Variants in CADM3 observed in about 807,000 individuals in gnomAD.
CADM3 encodes the protein TSLC1-like 1.
CADM3 carries 11 observed loss-of-function variants against 44.9 expected under a neutral mutation model. The observed-to-expected ratio is 0.25, with a 90% CI of 0.15 to 0.41. The LOEUF (loss-of-function observed/expected upper bound fraction) is 0.41. CADM3 is among the 10% of genes least tolerant of loss of function. The probability of loss-of-function intolerance (pLI) is 1.00; values close to 1 mark genes in which losing one functional copy is unlikely to be tolerated. For missense variants in CADM3, 426 were observed against 512.0 expected, an observed-to-expected ratio of 0.83 and a Z score of 1.62; for synonymous variants, 207 against 205.2, an observed-to-expected ratio of 1.01 and a Z score of -0.08.
At chr1:159,184,489 T>C (rs985817981) in intron 1 of CADM3, among the ~76,000 whole-genome samples, 8 of 152,168 alleles carry the variant, frequency 5.3e-5, no homozygotes, top group Non-Finnish European at 1.0e-4. Context: ...GCTTTTTTTT[T>C]CTACAGTCAG....
At chr1:159,173,990 T>C (rs1648923987) in intron 1 of CADM3, among the ~76,000 whole-genome samples, 1 of 152,186 alleles carries the variant, frequency 6.6e-6, no homozygotes, top group Non-Finnish European at 1.5e-5. Flanking sequence ...TATTTAGAAA[T>C]ATGCTTCAGA....
chr1:159,173,593 G>T (rs1388185117), intron 1 of CADM3, among the ~76,000 whole-genome samples: 5 of 152,176 alleles, frequency 3.3e-5, no homozygotes, highest in African/African-American at 1.2e-4. Context: ...TCCTTGGGGA[G>T]AGCAGGCTAA....
chr1:159,201,167 G>T lies in CADM3; in HGVS notation c.*245G>T, dbSNP rs1650182705. 3 of 249,096 alleles carry T rather than the reference G, an allele frequency of 1.2e-5. No individual in the cohort carries two copies. Among genetic ancestry groups the T allele is most frequent in the Admixed American group, 5.5e-5 (1 of 18,202 alleles). 15.4% of individuals were successfully genotyped at this position (249,096 alleles called of 1,614,324 possible). Reference sequence around the variant, plus strand: ...CTTTCCGTGGCTTCTCTGCATTTGGGTTATTATTATTTTTGTAACAATCCC... The same window carrying T: ...CTTTCCGTGGCTTCTCTGCATTTGGTTTATTATTATTTTTGTAACAATCCC... On this transcript the variant is annotated 3_prime_UTR_variant, in exon 9 of 9. Transcript: ENST00000368125.
intron 4 of CADM3, 113 bp downstream of exon 4, chr1:159,193,673 CAT>C (rs767130273): frequency 1.3e-6 from 2 of 1,507,846 alleles, no homozygotes; most frequent in South Asian, 1.2e-5. Flanking sequence ...AGGGGAATGA[CAT>C]ATATTTTGTG....
chr1:159,181,621 G>A (rs1301169917), intron 1 of CADM3, among the ~76,000 whole-genome samples: 1 of 152,130 alleles, frequency 6.6e-6, no homozygotes, highest in Non-Finnish European at 1.5e-5. Flanking sequence ...AAGCAGCTAA[G>A]GCAAGGAAGA....
At chr1:159,184,857 CACATTAGTAATT>C (rs2102108288) in intron 1 of CADM3, among the ~76,000 whole-genome samples, 1 of 152,290 alleles carries the variant, frequency 6.6e-6, no homozygotes, top group South Asian at 2.1e-4. Flanking sequence ...TTTAAAGAAG[CACATTAGTAATT>C]CTCCAATTCC....
At chr1:159,174,797 C>T (rs1452025012) in intron 1 of CADM3, among the ~76,000 whole-genome samples, 2 of 152,170 alleles carry the variant, frequency 1.3e-5, no homozygotes, top group African/African-American at 4.8e-5. Context: ...GACATAAGTC[C>T]TGTGAACTTA....
intron 2 of CADM3, 152 bp from the exon 3 acceptor site, chr1:159,192,426 A>G: frequency 1.2e-6 from 1 of 850,882 alleles, no homozygotes. Context: ...AAGTGATTGA[A>G]TAACTTAAAG....
At chr1:159,194,434 T>C (rs1649806225) in intron 5 of CADM3, 1 of 160,286 alleles carries the variant, frequency 6.2e-6, no homozygotes, top group Admixed American at 6.1e-5. Context: ...CTGCAAACTG[T>C]TGTCGTAACT....
At chr1:159,199,630 C>T in intron 7 of CADM3, 121 bp from the exon 8 acceptor site, 1 of 1,273,618 alleles carries the variant, frequency 7.9e-7, no homozygotes, top group South Asian at 1.2e-5. Flanking sequence ...AATGACACTG[C>T]TCCATTTTCC....
chr1:159,193,321 G>T, intron 3 of CADM3, 102 bp from the exon 4 acceptor site: 1 of 1,238,022 alleles, frequency 8.1e-7, no homozygotes, highest in Non-Finnish European at 1.1e-6. Flanking sequence ...AGAAATTATA[G>T]TAGAACCCAG....
intron 1 of CADM3, among the ~76,000 whole-genome samples, chr1:159,173,177 T>G (rs1357768068): frequency 2.4e-5 from 2 of 84,636 alleles, no homozygotes; most frequent in African/African-American, 4.7e-5. Context: ...AAAGGGGAGG[T>G]GGCTCCTGGG....
At position 159,200,788 on chromosome 1, in the gene CADM3, C is replaced by T. The variant is rs904761504; in HGVS notation, c.1079-16C>T. The T allele has an allele frequency of 1.3e-6, 2 of 1,566,538 alleles. No homozygotes were observed. The highest frequency in any genetic ancestry group is 1.7e-6 in the Non-Finnish European group (2 of 1,155,546). ...GGAAGCTGCTCCTGAGAGGAGAAGCCTCTGTCTCTACACAGGAACCTACCT... is the reference window on the plus strand; with the variant it reads ...GGAAGCTGCTCCTGAGAGGAGAAGCTTCTGTCTCTACACAGGAACCTACCT... On this transcript the variant is annotated splice_polypyrimidine_tract_variant and intron_variant, in intron 8 of 8. Coordinates refer to ENST00000368125, the MANE Select transcript of CADM3 (RefSeq NM_001127173.3).
chr1:159,182,072 A>G (rs990348981), intron 1 of CADM3, among the ~76,000 whole-genome samples: 5 of 145,204 alleles, frequency 3.4e-5, no homozygotes, highest in African/African-American at 1.3e-4. Context: ...ACACACACAC[A>G]CACACACACA....
chr1:159,181,843 G>A (rs989173809), intron 1 of CADM3, among the ~76,000 whole-genome samples: 4 of 152,164 alleles, frequency 2.6e-5, no homozygotes, highest in Non-Finnish European at 4.4e-5. Flanking sequence ...CCCAGTCTCT[G>A]CTCCTCGGAA....
At chr1:159,172,409 G>T (rs1397106547) in intron 1 of CADM3, among the ~76,000 whole-genome samples, 1 of 152,120 alleles carries the variant, frequency 6.6e-6, no homozygotes, top group East Asian at 1.9e-4. Context: ...GGGCAGAGAA[G>T]GGGGCCTGGG....
chr1:159,177,721 A>G (rs1444695107), intron 1 of CADM3, among the ~76,000 whole-genome samples: 3 of 152,230 alleles, frequency 2.0e-5, no homozygotes, highest in Non-Finnish European at 4.4e-5. Flanking sequence ...AAGGGAACAG[A>G]AGGGCAAGCA....
At chr1:159,179,891 C>A (rs952660809) in intron 1 of CADM3, among the ~76,000 whole-genome samples, 1 of 150,826 alleles carries the variant, frequency 6.6e-6, no homozygotes, top group Non-Finnish European at 1.5e-5. Context: ...AGGATGAGAT[C>A]TTTCCAAATA....
chr1:159,178,019 A>C (rs1046836118), intron 1 of CADM3, among the ~76,000 whole-genome samples: 2 of 152,214 alleles, frequency 1.3e-5, no homozygotes, highest in Non-Finnish European at 2.9e-5. Flanking sequence ...ATGGAGTGGC[A>C]TTTGCATATA....
Sources: gnomAD v4.1 joint callset for allele counts (sites outside exome capture counted in the v4.1 genomes callset) on GRCh38, gnomAD v4.1.1 for gene constraint, MANE v1.5 for transcripts, NCBI Gene and HGNC (gene_info 2026-07-23, HGNC 2026-07-21) for gene names.